The following PREX1 variants were observed in gnomAD, a reference collection of about 807,000 sequenced individuals.
PREX1 encodes phosphatidylinositol-3,4,5-trisphosphate dependent Rac exchange factor 1.
Under a neutral mutation model 198.3 loss-of-function variants are expected in PREX1, and 41 were observed. The ratio of observed to expected loss-of-function variants is 0.21; its 90% CI spans 0.16 to 0.27. The LOEUF (loss-of-function observed/expected upper bound fraction) is 0.27, where lower values mean the gene tolerates loss of function less well. Ranked by LOEUF, PREX1 falls within the 10% of genes least tolerant of loss-of-function variation. The pLI, the probability that PREX1 is intolerant of heterozygous loss-of-function variation, is 1.00. For missense variants in PREX1, 1,620 were observed against 2,200.7 expected, an observed-to-expected ratio of 0.74 and a Z score of 5.28; for synonymous variants, 843 against 887.2, an observed-to-expected ratio of 0.95 and a Z score of 0.89.
At chr20:48,808,514 A>G (rs1184720928) in intron 1 of PREX1, among the ~76,000 whole-genome samples, 1 of 152,148 alleles carries the variant, frequency 6.6e-6, no homozygotes, top group African/African-American at 2.4e-5. Context: ...CTGCTGTGGC[A>G]GCCTCCTCCT....
At chr20:48,729,511 C>T (rs1263007965) in intron 4 of PREX1, among the ~76,000 whole-genome samples, 1 of 152,198 alleles carries the variant, frequency 6.6e-6, no homozygotes, top group Non-Finnish European at 1.5e-5. Context: ...TATCTTAAGC[C>T]TCACACATCC....
the PREX1 span, among the ~76,000 whole-genome samples, chr20:48,847,383 AAC>A: frequency 5.0e-4 from 75 of 150,076 alleles, 2 homozygotes; most frequent in South Asian, 0.012. Flanking sequence ...AAAAAAAAAA[AAC>A]AAACCCTCCC....
the PREX1 span, among the ~76,000 whole-genome samples, chr20:48,871,935 G>A: frequency 6.6e-6 from 1 of 152,030 alleles, no homozygotes; most frequent in East Asian, 1.9e-4. Flanking sequence ...TGAGGCGGGC[G>A]GATCACGAGG....
intron 12 of PREX1, 105 bp downstream of exon 12, chr20:48,679,546 G>A: frequency 1.4e-6 from 2 of 1,389,884 alleles, no homozygotes; most frequent in Non-Finnish European, 2.0e-6. Context: ...GTGGGCAGTG[G>A]AGAAGGCAAA....
chr20:48,769,586 TCTC>T (rs1271012579), intron 1 of PREX1, among the ~76,000 whole-genome samples: 1 of 152,032 alleles, frequency 6.6e-6, no homozygotes, highest in East Asian at 1.9e-4. Flanking sequence ...TTCTCCCTCA[TCTC>T]CTCCCACACT....
At chr20:48,664,809 C>A (rs2089623850) in intron 15 of PREX1, among the ~76,000 whole-genome samples, 1 of 148,116 alleles carries the variant, frequency 6.8e-6, no homozygotes, top group Non-Finnish European at 1.5e-5. Flanking sequence ...GGCCTGAATT[C>A]TAATCCCGGC....
chr20:48,674,803 A>G (rs2089697508), intron 14 of PREX1, among the ~76,000 whole-genome samples: 1 of 152,218 alleles, frequency 6.6e-6, no homozygotes, highest in African/African-American at 2.4e-5. Flanking sequence ...AATGGAGCAA[A>G]CACCTTCGGG....
At chr20:48,883,548 C>T in the PREX1 span, among the ~76,000 whole-genome samples, 2 of 152,008 alleles carry the variant, frequency 1.3e-5, no homozygotes, top group Non-Finnish European at 2.9e-5. Context: ...CTTAGCAAAG[C>T]TGTGGGATAT....
At chr20:48,766,394 T>G (rs770123374) in intron 1 of PREX1, among the ~76,000 whole-genome samples, 41 of 152,120 alleles carry the variant, frequency 2.7e-4, no homozygotes, top group Non-Finnish European at 3.5e-4. Context: ...GCCCAGCCCA[T>G]CAGCCGCTCC....
At chr20:48,830,449 A>T (rs2090534785), upstream of PREX1, among the ~76,000 whole-genome samples, 1 of 152,266 alleles carries the variant, frequency 6.6e-6, no homozygotes, top group Non-Finnish European at 1.5e-5. Flanking sequence ...GATGTAAAGT[A>T]CCTGACACAC....
At position 48,705,141 on chromosome 20, in the gene PREX1, T is replaced by G. The variant is rs1442276122; in HGVS notation, c.783+3119A>C. Among the ~76,000 whole-genome samples the G allele has an allele frequency of 6.6e-5, 10 of 152,356 alleles. No homozygotes were observed. The South Asian group carries it at 1.9e-3, about 28-fold the overall frequency. ...AACTCCCCCGTCCTCAAGTGACCCA[T>G]GACGGGGGTACTCCCATGATCCTGA... On this transcript the variant is annotated intron_variant, in intron 6 of 39. Coordinates refer to ENST00000371941, the MANE Select transcript of PREX1 (RefSeq NM_020820.4).
chr20:48,669,558 G>A (rs1032315693), intron 14 of PREX1, among the ~76,000 whole-genome samples: 10 of 152,122 alleles, frequency 6.6e-5, no homozygotes, highest in African/African-American at 2.4e-4. Context: ...GTGGAAGGAA[G>A]GGAAGAAAAG....
Position 48,747,842 on chromosome 20 carries a change from T to G in PREX1, c.258A>C (p.Ser86=), listed in dbSNP as rs775538291. 1.9e-6 allele frequency: 3 copies of G among 1,613,614 alleles called. No homozygotes were observed. The South Asian group carries it at 3.3e-5, about 18-fold the overall frequency. The change falls in exon 2 of 40, where the codon TCA becomes TCC. Residue 86 remains serine (S), a synonymous_variant. Transcript: ENST00000371941. ...LHRIRQNVAD[S]VEKGLTEENV... Reference sequence around the variant, plus strand: ...TCTCCTCCGTGAGGCCCTTCTCCACTGAGTCGGCCACGTTCTGCCGGATGC... The same window carrying G: ...TCTCCTCCGTGAGGCCCTTCTCCACGGAGTCGGCCACGTTCTGCCGGATGC...
upstream of PREX1, among the ~76,000 whole-genome samples, chr20:48,832,940 C>T (rs1291000514): frequency 1.3e-5 from 2 of 152,228 alleles, no homozygotes; most frequent in African/African-American, 2.4e-5. Flanking sequence ...CACTCTGCCA[C>T]CAACATGCAC....
chr20:48,857,092 G>T, the PREX1 span, among the ~76,000 whole-genome samples: 1 of 152,162 alleles, frequency 6.6e-6, no homozygotes, highest in Non-Finnish European at 1.5e-5. Context: ...ACACTCCTCG[G>T]CCTCCCCAAG....
Position 48,657,171 on chromosome 20 carries a change from C to T in PREX1, c.1992G>A (p.Val664=). 6.2e-7 allele frequency: 1 copy of T among 1,613,814 alleles called. No individual in the cohort carries two copies. The highest frequency in any genetic ancestry group is 8.5e-7 in the Non-Finnish European group (1 of 1,179,898). ...CATTGATGGAGTAGATCTTCCTCCC[C>T]ACCTGCAGGCCAGCCACCTGGGTAG... ...GSLAEVAGLQ[V]GRKIYSINED... Residue 664 remains valine, a synonymous_variant, in exon 18 of 40, where the codon GTG becomes GTA. Transcript: ENST00000371941.
intron 14 of PREX1, among the ~76,000 whole-genome samples, chr20:48,670,019 AC>A (rs1483739341): frequency 1.3e-5 from 2 of 152,164 alleles, no homozygotes; most frequent in Non-Finnish European, 2.9e-5. Context: ...TGTATGGTTG[AC>A]CTGGAGACAA....
chr20:48,765,719 A>G (rs2090205110), intron 1 of PREX1, among the ~76,000 whole-genome samples: 1 of 152,206 alleles, frequency 6.6e-6, no homozygotes, highest in Non-Finnish European at 1.5e-5. Context: ...CAGTTCAAAA[A>G]TTGGGAGAAT....
At chr20:48,773,764 G>A (rs1445057107) in intron 1 of PREX1, among the ~76,000 whole-genome samples, 3 of 152,176 alleles carry the variant, frequency 2.0e-5, no homozygotes, top group Non-Finnish European at 4.4e-5. Context: ...GGGGTCTTCA[G>A]CTTTTCTCTG....
Sources: allele counts gnomAD v4.1 joint callset (sites outside exome capture counted in the v4.1 genomes callset), GRCh38; gene constraint gnomAD v4.1.1; transcripts MANE v1.5; gene names NCBI Gene and HGNC (gene_info 2026-07-23, HGNC 2026-07-21).